ERN1: variants seen among roughly 807,000 people sequenced by gnomAD.
ERN1 encodes endoplasmic reticulum to nucleus signaling 1.
ERN1 carries 39 observed loss-of-function variants against 113.1 expected under a neutral mutation model. The ratio of observed to expected loss-of-function variants is 0.34; its 90% CI spans 0.27 to 0.45. The LOEUF (loss-of-function observed/expected upper bound fraction) is 0.45. ERN1 is among the 20% of genes least tolerant of loss of function. The pLI is 1.00. For synonymous variants in ERN1, 507 were observed against 515.9 expected (o/e 0.98, Z 0.23); for missense variants, 976 against 1,274.8 (o/e 0.77, Z 3.57).
chr17:64,098,870 C>CA (rs1248032413), intron 1 of ERN1, among the ~76,000 whole-genome samples: 5 of 151,518 alleles, frequency 3.3e-5, no homozygotes, highest in South Asian at 2.1e-4. Context: ...TAAAACAAAA[C>CA]AAAAAAAATT....
intron 1 of ERN1, chr17:64,102,563 T>TA: frequency 1.3e-5 from 10 of 785,940 alleles, no homozygotes; most frequent in Non-Finnish European, 1.5e-5. Flanking sequence ...CTGGCATTTT[T>TA]AAAAGCATGA....
chr17:64,065,815 G>T (rs1308946378), intron 8 of ERN1, among the ~76,000 whole-genome samples: 1 of 152,176 alleles, frequency 6.6e-6, no homozygotes, highest in Non-Finnish European at 1.5e-5. Flanking sequence ...CAGACTTGGT[G>T]AGACTTCTGG....
At chr17:64,077,822 T>C (rs1487737290) in intron 4 of ERN1, among the ~76,000 whole-genome samples, 1 of 151,846 alleles carries the variant, frequency 6.6e-6, no homozygotes, top group Non-Finnish European at 1.5e-5. Context: ...CTCAGCTCAC[T>C]GCAAGCTCCA....
intron 1 of ERN1, among the ~76,000 whole-genome samples, chr17:64,105,486 G>C (rs909604712): frequency 6.6e-6 from 1 of 152,140 alleles, no homozygotes; most frequent in Non-Finnish European, 1.5e-5. Flanking sequence ...CAGACCAGAA[G>C]TTTATATAAT....
At position 64,055,700 on chromosome 17, in the gene ERN1, G is replaced by A; in HGVS notation, c.1647C>T (p.Ser549=). ...CTCCATCGTCTTGTTCCAGGGAGGG[G>A]CTGCTGCCAGCCTTGGAGGCAGAGC... ...SGSSASKAGS[S]PSLEQDDGDE... The change falls in exon 13 of 22, where the codon AGC becomes AGT. Residue 549 remains serine (S), a synonymous_variant. Coordinates refer to ENST00000433197, the MANE Select transcript of ERN1 (RefSeq NM_001433.5). 1 of 1,601,258 alleles carries A rather than the reference G, an allele frequency of 6.2e-7. No individual in the cohort carries two copies. The highest frequency in any genetic ancestry group is 8.5e-7 in the Non-Finnish European group (1 of 1,173,386).
chr17:64,103,011 A>G (rs1598081372), intron 1 of ERN1: 1 of 941,932 alleles, frequency 1.1e-6, no homozygotes, highest in East Asian at 1.2e-4. Flanking sequence ...AGTCTAGCCT[A>G]AAACTAAACA....
In ERN1 at chr17:64,130,140, G is replaced by A. The variant is rs1915204699; in HGVS notation, c.-111C>T. 6 of 992,426 alleles carry A rather than the reference G, an allele frequency of 6.0e-6. No individual in the cohort carries two copies. The highest frequency in any genetic ancestry group is 4.3e-5 in the Admixed American group (1 of 23,230). The allele number at this position is 992,426 out of a possible 1,614,324, so 61.5% of individuals were successfully genotyped here. A position where few individuals can be genotyped will look rare whatever the true frequency, so the allele number is the denominator to read the frequency against. On this transcript the variant is annotated 5_prime_UTR_variant, in exon 1 of 22. Coordinates refer to ENST00000433197, the MANE Select transcript of ERN1 (RefSeq NM_001433.5). This position sits in a 1 kb window ranked among gnomAD's most constrained non-coding sequence, Gnocchi z 4.0. ...CCTCAGCGGACGCAGAACTGACTAG[G>A]CAGCGGCGGCACCCCCATTCCCGGC...
chr17:64,122,709 T>C (rs1259348735), intron 1 of ERN1, among the ~76,000 whole-genome samples: 4 of 152,214 alleles, frequency 2.6e-5, no homozygotes, highest in Non-Finnish European at 5.9e-5. Flanking sequence ...GTGTGAATCA[T>C]GTAAAAGTCC....
intron 1 of ERN1, chr17:64,129,618 T>A (rs1217121705): frequency 2.7e-6 from 1 of 366,250 alleles, no homozygotes; most frequent in Non-Finnish European, 4.9e-6. Flanking sequence ...GTCCCGCAGG[T>A]GGGCGGCCTC....
intron 1 of ERN1, among the ~76,000 whole-genome samples, chr17:64,115,721 G>A (rs1435629160): frequency 6.6e-6 from 1 of 152,204 alleles, no homozygotes; most frequent in African/African-American, 2.4e-5. Context: ...CTTTTGGGGT[G>A]AATGAAGCTG....
At chr17:64,112,366 T>C (rs1914695928) in intron 1 of ERN1, among the ~76,000 whole-genome samples, 1 of 125,048 alleles carries the variant, frequency 8.0e-6, no homozygotes, top group African/African-American at 4.1e-5. Context: ...AGACTCTGTC[T>C]CAAAAAAAAA....
chr17:64,101,229 C>T (rs552239106), intron 1 of ERN1, among the ~76,000 whole-genome samples: 73 of 151,952 alleles, frequency 4.8e-4, no homozygotes, highest in Admixed American at 2.3e-3. Context: ...GCCAACATGG[C>T]GAAACCTCGT....
Position 64,047,940 on chromosome 17 carries a change from T to A in ERN1, c.2447A>T (p.Asp816Val), listed in dbSNP as rs1317563952. The change falls in exon 19 of 22, where the codon GAT (aspartate) becomes GTT (valine). Residue 816 changes from aspartate (D) to valine (V), a missense_variant. Transcript: ENST00000433197. ...RELIEKMIAM[D>V]PQKRPSAKHV... Reference sequence around the variant, plus strand: ...CTTCGCTGAGGGGCGTTTCTGAGGATCCATCGCAATCATCTTCTCTATCAA... The same window carrying A: ...CTTCGCTGAGGGGCGTTTCTGAGGAACCATCGCAATCATCTTCTCTATCAA... 2 of 1,613,462 alleles carry A rather than the reference T, an allele frequency of 1.2e-6. No individual in the cohort carries two copies. The highest frequency in any genetic ancestry group is 1.7e-6 in the Non-Finnish European group (2 of 1,179,472).
intron 1 of ERN1, among the ~76,000 whole-genome samples, chr17:64,128,354 G>C (rs1915138547): frequency 6.6e-6 from 1 of 152,010 alleles, no homozygotes; most frequent in Admixed American, 6.6e-5. Context: ...ATAACCTTTT[G>C]ATAAGGGTCT....
intron 6 of ERN1, among the ~76,000 whole-genome samples, chr17:64,069,025 A>G (rs1913326357): frequency 6.6e-6 from 1 of 152,226 alleles, no homozygotes; most frequent in Non-Finnish European, 1.5e-5. Flanking sequence ...TATCGCTGGA[A>G]AAGATTCTCA....
intron 6 of ERN1, among the ~76,000 whole-genome samples, 190 bp downstream of exon 6, chr17:64,071,791 G>A (rs1241826481): frequency 2.0e-5 from 3 of 152,164 alleles, no homozygotes; most frequent in Non-Finnish European, 4.4e-5. Flanking sequence ...TTTCTGGGCC[G>A]TGGTGCAGTT....
intron 2 of ERN1, among the ~76,000 whole-genome samples, chr17:64,090,987 T>C (rs1352640032): frequency 1.3e-5 from 2 of 152,214 alleles, no homozygotes; most frequent in Non-Finnish European, 2.9e-5. Context: ...GCCCCTTTCA[T>C]AAAACTTAAT....
intron 9 of ERN1, 94 bp downstream of exon 9, chr17:64,065,115 T>C (rs1913176970): frequency 2.6e-6 from 2 of 768,420 alleles, no homozygotes; most frequent in African/African-American, 3.5e-5. Flanking sequence ...TTTTCATTCT[T>C]AACCTGCAGG....
intron 1 of ERN1, among the ~76,000 whole-genome samples, chr17:64,114,092 T>G (rs1425770769): frequency 6.6e-6 from 1 of 151,450 alleles, no homozygotes; most frequent in Non-Finnish European, 1.5e-5. Context: ...AAAAAAAGCT[T>G]TTGCAAGGAG....
Sources: gnomAD v4.1 joint callset for allele counts (sites outside exome capture counted in the v4.1 genomes callset) on GRCh38, gnomAD v4.1.1 for gene constraint, Gnocchi (gnomAD v3.1) non-coding constraint, MANE v1.5 for transcripts, NCBI Gene and HGNC (gene_info 2026-07-23, HGNC 2026-07-21) for gene names.